The following CFB variants were observed in gnomAD, a reference collection of about 807,000 sequenced individuals.
The protein encoded by CFB is complement factor B, also known as B-factor, properdin.
In CFB, 59 loss-of-function variants were observed where a neutral mutation model predicts 97.2. That is an observed-to-expected ratio of 0.61 (90% CI 0.49 to 0.75). The LOEUF is 0.75. CFB is among the 30% of genes least tolerant of loss of function. The pLI is 0.00. For synonymous variants in CFB, 316 were observed against 351.7 expected (o/e 0.90, Z 1.14); for missense variants, 771 against 959.8 (o/e 0.80, Z 2.60).
intron 10 of CFB, 194 bp downstream of exon 10, chr6:31,949,751 G>C: frequency 1.3e-6 from 1 of 769,818 alleles, no homozygotes; most frequent in Non-Finnish European, 2.1e-6. Flanking sequence ...GAGCACTTCA[G>C]AGATCTTTCT....
chr6:31,950,291 T>C lies in CFB; in HGVS notation c.1512T>C (p.Pro504=), dbSNP rs1445635548. The C allele has an allele frequency of 1.2e-6, 2 of 1,612,842 alleles. No individual in the cohort carries two copies. The highest frequency in any genetic ancestry group is 2.7e-5 in the African/African-American group (2 of 74,912). ...PWQAKISVIR[P]SKGHESCMGA... is the part of the protein sequence containing the mutation. ...CTCTACTGTTGTGTCCCCAGCGCCC[T>C]TCAAAGGGACACGAGAGCTGTATGG... The change falls in exon 12 of 18, where the codon CCT becomes CCC. Residue 504 remains proline (P), a synonymous_variant. Coordinates refer to ENST00000425368, the MANE Select transcript of CFB (RefSeq NM_001710.6).
chr6:31,951,408 T>C lies in CFB; in HGVS notation c.2024T>C (p.Val675Ala). ...GYDKVKDISE[V>A]VTPRFLCTGG... is the part of the protein sequence containing the mutation. ...GACAAAGTCAAGGACATCTCAGAGG[T>C]GGTCACCCCTCGGTTCCTTTGTACT... Residue 675 changes from valine to alanine, a missense_variant, in exon 16 of 18, where the codon GTG becomes GCG. Physicochemically the swap from Val to Ala is moderately conservative, Grantham distance 64 (BLOSUM62 0). Coordinates refer to ENST00000425368, the MANE Select transcript of CFB (RefSeq NM_001710.6). The surrounding 1 kb of genome is among the most constrained non-coding windows in gnomAD (Gnocchi z 4.3). 3 of 1,614,142 alleles carry C rather than the reference T, an allele frequency of 1.9e-6. No homozygotes were observed. Among genetic ancestry groups the C allele is most frequent in the South Asian group, 1.1e-5 (1 of 91,076 alleles).
At chr6:31,949,896 A>ATAG (rs1771644788) in intron 10 of CFB, 154 bp from the exon 11 acceptor site, 2 of 793,822 alleles carry the variant, frequency 2.5e-6, no homozygotes, top group Non-Finnish European at 4.3e-6. Flanking sequence ...TCAGTCCACC[A>ATAG]TAGCAGTTTT....
In CFB at chr6:31,950,305, A is replaced by T; in HGVS notation, c.1526A>T (p.Glu509Val). The T allele has an allele frequency of 6.2e-7, 1 of 1,613,026 alleles. No homozygotes were observed. Among genetic ancestry groups the T allele is most frequent in the Non-Finnish European group, 8.5e-7 (1 of 1,179,972 alleles). Residue 509 changes from glutamate (E) to valine (V), a missense_variant, in exon 12 of 18, where the codon GAG becomes GTG. Coordinates refer to ENST00000425368, the MANE Select transcript of CFB (RefSeq NM_001710.6). ...CCCCAGCGCCCTTCAAAGGGACACG[A>T]GAGCTGTATGGGGGCTGTGGTGTCT... Reference protein sequence around the residue: ...ISVIRPSKGHESCMGAVVSEY... With the variant: ...ISVIRPSKGHVSCMGAVVSEY...
intron 10 of CFB, 145 bp downstream of exon 10, chr6:31,949,702 C>T (rs1033827402): frequency 4.9e-6 from 5 of 1,014,556 alleles, no homozygotes; most frequent in South Asian, 1.4e-5. Context: ...ATTCTTGTTT[C>T]CTGGCACTGT....
chr6:31,951,556 T>C lies in CFB; in HGVS notation c.2091T>C (p.Gly697=). 6.2e-7 allele frequency: 1 copy of C among 1,614,198 alleles called. No individual in the cohort carries two copies. Among genetic ancestry groups the C allele is most frequent in the Non-Finnish European group, 8.5e-7 (1 of 1,180,030 alleles). The part of the protein sequence containing the change: ...SPYADPNTCR[G]DSGGPLIVHK... The stretch of plus-strand genomic sequence containing the variant: ...CTACAGCTTCTCCTCTCCTTGCAGG[T>C]GATTCTGGCGGCCCCTTGATAGTTC... The change falls in exon 17 of 18, where the codon GGT becomes GGC. Residue 697 remains glycine (G), a splice_region_variant and synonymous_variant. Transcript: ENST00000425368. The surrounding 1 kb of genome is among the most constrained non-coding windows in gnomAD (Gnocchi z 4.3).
In CFB at chr6:31,946,114, G is replaced by C; in HGVS notation, c.-108G>C. On this transcript the variant is annotated 5_prime_UTR_variant, in exon 1 of 18. Transcript: ENST00000425368. This position sits in a 1 kb window ranked among gnomAD's most constrained non-coding sequence, Gnocchi z 6.4. ...GAGCAGGGGAAGGGAATGTGACCAGGTCTAGGTCTGGAGTTTCAGCTTGGA... is the reference window on the plus strand; with the variant it reads ...GAGCAGGGGAAGGGAATGTGACCAGCTCTAGGTCTGGAGTTTCAGCTTGGA... The C allele has an allele frequency of 8.9e-7, 1 of 1,125,360 alleles. No individual in the cohort carries two copies. The highest frequency in any genetic ancestry group is 2.3e-5 in the East Asian group (1 of 42,734). The allele number at this position is 1,125,360 out of a possible 1,614,324, so 69.7% of individuals were successfully genotyped here. A position where few individuals can be genotyped will look rare whatever the true frequency, so the allele number is the denominator to read the frequency against.
chr6:31,948,553 A>G (rs908322978), intron 7 of CFB, 41 bp downstream of exon 7: 1 of 1,613,088 alleles, frequency 6.2e-7, no homozygotes, highest in Non-Finnish European at 8.5e-7. Flanking sequence ...CTTTGGGGTC[A>G]GGAGGTTCAG....
At chr6:31,948,232 T>C (rs1771557679) in intron 6 of CFB, 142 bp from the exon 7 acceptor site, 2 of 1,500,924 alleles carry the variant, frequency 1.3e-6, no homozygotes, top group Non-Finnish European at 1.8e-6. Flanking sequence ...CTTGAAGCAG[T>C]TTCTTGACTG....
In CFB at chr6:31,946,701, G is replaced by A; in HGVS notation, c.298+95G>A. On this transcript the variant is annotated intron_variant, in intron 2 of 17. Transcript: ENST00000425368. The surrounding 1 kb of genome is among the most constrained non-coding windows in gnomAD (Gnocchi z 6.4). The stretch of plus-strand genomic sequence containing the variant: ...AGGATGAGACTAGGCAGGGTGACAA[G>A]GTGGGCTGACCGGGAGTAGGAGCAG... 1 of 1,230,336 alleles carries A rather than the reference G, an allele frequency of 8.1e-7. No homozygotes were observed. The highest frequency in any genetic ancestry group is 1.2e-6 in the Non-Finnish European group (1 of 862,468). The allele number at this position is 1,230,336 out of a possible 1,614,324, so 76.2% of individuals were successfully genotyped here. A position where few individuals can be genotyped will look rare whatever the true frequency, so the allele number is the denominator to read the frequency against.
At chr6:31,949,374 C>G in intron 9 of CFB, 30 bp downstream of exon 9, 2 of 1,614,174 alleles carry the variant, frequency 1.2e-6, no homozygotes, top group Non-Finnish European at 1.7e-6. Flanking sequence ...CCCAGCACCC[C>G]ACTTCCTCAG....
Position 31,951,539 on chromosome 6 carries a change from TCTC to T in CFB, c.2090-12_2090-10del. 5.0e-6 allele frequency: 8 copies of T among 1,614,144 alleles called. No individual in the cohort carries two copies. Among genetic ancestry groups the T allele is most frequent in the Non-Finnish European group, 3.4e-6 (4 of 1,180,014 alleles). On this transcript the variant is annotated splice_polypyrimidine_tract_variant and intron_variant, in intron 16 of 17. Transcript: ENST00000425368. The surrounding 1 kb of genome is among the most constrained non-coding windows in gnomAD (Gnocchi z 4.3). ...CCCAACAGTCCTTTTCTCTACAGCT[TCTC>T]CTCTCCTTGCAGGTGATTCTGGCGG...
intron 8 of CFB, 83 bp from the exon 9 acceptor site, chr6:31,949,160 T>C: frequency 6.7e-7 from 1 of 1,483,936 alleles, no homozygotes; most frequent in Non-Finnish European, 9.3e-7. Flanking sequence ...TTCCTCAACT[T>C]GCTCACCCTG....
rs1249055421 is a variant in CFB at position 31,951,839 on chromosome 6, T to C, written c.2140-36T>C. Reference sequence around the variant, plus strand: ...GCCATGCTTCCAGGATTAGGAATTCTACTGAATGATCCATGGCACCCCACT... The same window carrying C: ...GCCATGCTTCCAGGATTAGGAATTCCACTGAATGATCCATGGCACCCCACT... On this transcript the variant is annotated intron_variant, in intron 17 of 17. Coordinates refer to ENST00000425368, the MANE Select transcript of CFB (RefSeq NM_001710.6). The surrounding 1 kb of genome is among the most constrained non-coding windows in gnomAD (Gnocchi z 4.3). 6.2e-7 allele frequency: 1 copy of C among 1,613,088 alleles called. No individual in the cohort carries two copies. Among genetic ancestry groups the C allele is most frequent in the Non-Finnish European group, 8.5e-7 (1 of 1,180,002 alleles).
chr6:31,949,973 A>T, intron 10 of CFB, 77 bp from the exon 11 acceptor site: 2 of 1,404,284 alleles, frequency 1.4e-6, no homozygotes, highest in Non-Finnish European at 2.0e-6. Context: ...TGCTCCCCAT[A>T]GACTCCTACC....
Position 31,947,854 on chromosome 6 carries a change from AGAG to A in CFB, c.760+12_760+14del. On this transcript the variant is annotated intron_variant, in intron 5 of 17. Coordinates refer to ENST00000425368, the MANE Select transcript of CFB (RefSeq NM_001710.6). The surrounding 1 kb of genome is among the most constrained non-coding windows in gnomAD (Gnocchi z 5.3). Reference sequence around the variant, plus strand: ...ATGGGCACGGCCCAGGTTTGAAGACAGAGAAGGGAGGCAGGGCAGGGAACTGGG... The same window carrying A: ...ATGGGCACGGCCCAGGTTTGAAGACAAAGGGAGGCAGGGCAGGGAACTGGG... The A allele has an allele frequency of 2.5e-6, 4 of 1,614,024 alleles. No homozygotes were observed. Among genetic ancestry groups the A allele is most frequent in the Non-Finnish European group, 3.4e-6 (4 of 1,180,026 alleles).
At chr6:31,949,014 T>C in intron 8 of CFB, 53 bp downstream of exon 8, 1 of 1,611,632 alleles carries the variant, frequency 6.2e-7, no homozygotes, top group Non-Finnish European at 8.5e-7. Flanking sequence ...CAGACCAGCA[T>C]GTGGCCCTTA....
In CFB at chr6:31,947,273, T is replaced by C. The variant is rs1771491350; in HGVS notation, c.485-75T>C. ...GGAGTGGGCACTCGGCTCCGGACACTGTAACTCTTGCTCTCTACCTTGCTC... is the reference window on the plus strand; with the variant it reads ...GGAGTGGGCACTCGGCTCCGGACACCGTAACTCTTGCTCTCTACCTTGCTC... On this transcript the variant is annotated intron_variant, in intron 3 of 17. Coordinates refer to ENST00000425368, the MANE Select transcript of CFB (RefSeq NM_001710.6). The surrounding 1 kb of genome is among the most constrained non-coding windows in gnomAD (Gnocchi z 5.3). 1.2e-6 allele frequency: 2 copies of C among 1,611,184 alleles called. No homozygotes were observed. Among genetic ancestry groups the C allele is most frequent in the African/African-American group, 1.3e-5 (1 of 74,888 alleles).
chr6:31,947,527 C>T lies in CFB; in HGVS notation c.658+6C>T, dbSNP rs1375487665. On this transcript the variant is annotated splice_donor_region_variant and intron_variant, in intron 4 of 17. Coordinates refer to ENST00000425368, the MANE Select transcript of CFB (RefSeq NM_001710.6). The surrounding 1 kb of genome is among the most constrained non-coding windows in gnomAD (Gnocchi z 5.3). ...GACGGAGCCTTCCTGCCAAGGTGAC[C>T]TTTGACCTGTACCCCCAGGTCAGAT... The T allele has an allele frequency of 1.2e-6, 2 of 1,612,828 alleles. No homozygotes were observed. Among genetic ancestry groups the T allele is most frequent in the African/African-American group, 1.3e-5 (1 of 74,914 alleles).
Sources: allele counts gnomAD v4.1 joint callset, GRCh38; gene constraint gnomAD v4.1.1; non-coding constraint Gnocchi (gnomAD v3.1); transcripts MANE v1.5; gene names NCBI Gene and HGNC (gene_info 2026-07-23, HGNC 2026-07-21).